RBFOX1: variants seen among roughly 807,000 people sequenced by gnomAD.
The protein encoded by RBFOX1 is RNA binding fox-1 homolog 1.
In RBFOX1, 8 loss-of-function variants were observed where a neutral mutation model predicts 57.7. The observed-to-expected ratio is 0.14, with a 90% confidence interval of 0.08 to 0.25. RBFOX1 has a LOEUF of 0.25. Ranked by LOEUF, RBFOX1 falls within the 10% of genes least tolerant of loss-of-function variation. The probability of loss-of-function intolerance (pLI) is 1.00; values close to 1 mark genes in which losing one functional copy is unlikely to be tolerated. For synonymous variants in RBFOX1, 326 were observed against 222.4 expected, an observed-to-expected ratio of 1.47 and a Z score of -4.15; for missense variants, 611 against 548.5, an observed-to-expected ratio of 1.11 and a Z score of -1.14.
At chr16:5,634,436 C>G (rs2048618117) in intron 3 of RBFOX1, among the ~76,000 whole-genome samples, 1 of 152,106 alleles carries the variant, frequency 6.6e-6, no homozygotes, top group Non-Finnish European at 1.5e-5. Flanking sequence ...CTCATTTAAG[C>G]TAATTAATCA....
At chr16:5,888,184 C>T (rs777998233) in intron 4 of RBFOX1, among the ~76,000 whole-genome samples, 2 of 152,140 alleles carry the variant, frequency 1.3e-5, no homozygotes, top group East Asian at 1.9e-4. Flanking sequence ...CCTGCCCCAG[C>T]GCCTTTGCAG....
chr16:5,329,752 C>T (rs898186797), intron 1 of RBFOX1, among the ~76,000 whole-genome samples: 1 of 152,232 alleles, frequency 6.6e-6, no homozygotes, highest in Non-Finnish European at 1.5e-5. Context: ...GTAATCCCAG[C>T]ACTTTGGGAG....
At chr16:5,334,773 T>C (rs928775825) in intron 1 of RBFOX1, among the ~76,000 whole-genome samples, 1 of 151,546 alleles carries the variant, frequency 6.6e-6, no homozygotes, top group African/African-American at 2.4e-5. Flanking sequence ...ACGTTAAAGA[T>C]GGCCAACCGT....
At chr16:5,368,607 T>C (rs1042649992) in intron 1 of RBFOX1, among the ~76,000 whole-genome samples, 18 of 152,254 alleles carry the variant, frequency 1.2e-4, no homozygotes, top group African/African-American at 4.1e-4. Context: ...ACACGGTTTC[T>C]TAAACTCTTG....
At chr16:7,240,959 A>T in intron 4 of RBFOX1, among the ~76,000 whole-genome samples, 1 of 152,246 alleles carries the variant, frequency 6.6e-6, no homozygotes, top group East Asian at 1.9e-4. Context: ...TTGTTGGAAC[A>T]TTCTACTTTT....
chr16:7,640,275 G>T lies in RBFOX1; in HGVS notation c.757+9592G>T, dbSNP rs1168451594. On this transcript the variant is annotated intron_variant, in intron 11 of 15. Transcript: ENST00000550418. Reference sequence around the variant, plus strand: ...CCACTAGTAGAACCTCTCACCCCCAGTTGTTTAAAGGGAAAGTTCTGCAAA... The same window carrying T: ...CCACTAGTAGAACCTCTCACCCCCATTTGTTTAAAGGGAAAGTTCTGCAAA... 3.3e-5 allele frequency among the ~76,000 whole-genome samples: 5 copies of T among 152,160 alleles called. No individual in the cohort carries two copies. The East Asian group carries it at 9.6e-4, about 29-fold the overall frequency.
At chr16:5,276,705 C>A (rs1418261717) in intron 1 of RBFOX1, among the ~76,000 whole-genome samples, 2 of 152,138 alleles carry the variant, frequency 1.3e-5, no homozygotes, top group African/African-American at 4.8e-5. Context: ...ATTGCTTGAA[C>A]CCAGGATGCA....
At chr16:5,695,592 T>C (rs1047145594) in intron 3 of RBFOX1, among the ~76,000 whole-genome samples, 2 of 152,184 alleles carry the variant, frequency 1.3e-5, no homozygotes, top group African/African-American at 4.8e-5. Context: ...GAAAATCAGA[T>C]GTTATGCACC....
intron 3 of RBFOX1, among the ~76,000 whole-genome samples, chr16:5,735,625 A>G (rs191017323): frequency 1.2e-4 from 18 of 152,274 alleles, no homozygotes; most frequent in Non-Finnish European, 2.2e-4. Flanking sequence ...GGCCGGGCCC[A>G]GTGGTTCACG....
At position 6,097,882 on chromosome 16, in the gene RBFOX1, T is replaced by C; in HGVS notation, c.-127+77890T>C. ...ACGTGTCTGATTTGTGCATGGCTAT[T>C]TTGCGATTTGCCATTGCTGGAATAT... On this transcript the variant is annotated intron_variant, in intron 1 of 15. Transcript: ENST00000550418. This position sits in a 1 kb window ranked among gnomAD's most constrained non-coding sequence, Gnocchi z 5.0. Among the ~76,000 whole-genome samples, 1 of 152,146 alleles carries C rather than the reference T, an allele frequency of 6.6e-6. No individual in the cohort carries two copies. The highest frequency in any genetic ancestry group is 1.9e-4 in the East Asian group (1 of 5,180).
intron 4 of RBFOX1, among the ~76,000 whole-genome samples, chr16:5,954,266 C>A (rs933861585): frequency 5.3e-5 from 8 of 152,188 alleles, no homozygotes; most frequent in Non-Finnish European, 1.2e-4. Flanking sequence ...GACAGACCCC[C>A]ACCCACCCAC....
intron 2 of RBFOX1, among the ~76,000 whole-genome samples, chr16:6,507,179 C>G (rs973027300): frequency 1.3e-5 from 2 of 152,116 alleles, no homozygotes; most frequent in Non-Finnish European, 2.9e-5. Flanking sequence ...GCTTCCTAGC[C>G]AGACATCCCA....
intron 2 of RBFOX1, among the ~76,000 whole-genome samples, chr16:5,549,671 A>G (rs1384190405): frequency 6.6e-6 from 1 of 152,210 alleles, no homozygotes; most frequent in Non-Finnish European, 1.5e-5. Context: ...GATGTTTAAA[A>G]AGGGTAGAAA....
intron 2 of RBFOX1, among the ~76,000 whole-genome samples, chr16:6,495,533 A>G (rs965511991): frequency 2.6e-5 from 4 of 152,356 alleles, no homozygotes; most frequent in Non-Finnish European, 4.4e-5. Context: ...ACATCTATTG[A>G]TATCACCCTG....
intron 4 of RBFOX1, among the ~76,000 whole-genome samples, chr16:7,457,020 T>A (rs545929569): frequency 1.3e-5 from 2 of 152,082 alleles, no homozygotes; most frequent in Non-Finnish European, 2.9e-5. Flanking sequence ...CCCAAGTAGC[T>A]GGGATTGCAG....
chr16:7,523,113 CT>C (rs1237615504), intron 5 of RBFOX1, among the ~76,000 whole-genome samples: 1 of 152,168 alleles, frequency 6.6e-6, no homozygotes, highest in Non-Finnish European at 1.5e-5. Context: ...TGTCTGGCTT[CT>C]TTTACTCAGT....
intron 3 of RBFOX1, among the ~76,000 whole-genome samples, chr16:6,743,482 C>A (rs1195175990): frequency 2.6e-5 from 4 of 152,112 alleles, no homozygotes; most frequent in East Asian, 1.9e-4. Flanking sequence ...TAGTGCACAC[C>A]TGTAGTCCCA....
intron 3 of RBFOX1, among the ~76,000 whole-genome samples, chr16:5,816,023 C>G (rs2055621408): frequency 6.6e-6 from 1 of 152,164 alleles, no homozygotes; most frequent in African/African-American, 2.4e-5. Context: ...TGAGAGGGGC[C>G]CAGTAAAAGG....
intron 3 of RBFOX1, among the ~76,000 whole-genome samples, chr16:5,614,544 G>T (rs1216430412): frequency 6.6e-6 from 1 of 152,070 alleles, no homozygotes; most frequent in African/African-American, 2.4e-5. Flanking sequence ...TCACTCCCTG[G>T]GACTTTGATG....
Sources: gnomAD v4.1 joint callset for allele counts (sites outside exome capture counted in the v4.1 genomes callset) on GRCh38, gnomAD v4.1.1 for gene constraint, Gnocchi (gnomAD v3.1) non-coding constraint, MANE v1.5 for transcripts, NCBI Gene and HGNC (gene_info 2026-07-23, HGNC 2026-07-21) for gene names.